Variants in LHFPL3 observed in about 807,000 individuals in gnomAD.
LHFPL3 encodes the protein LHFPL tetraspan subfamily member 3 protein.
Under a neutral mutation model 19.3 loss-of-function variants are expected in LHFPL3, and 5 were observed. The observed-to-expected ratio is 0.26, with a 90% CI of 0.14 to 0.54. The LOEUF (loss-of-function observed/expected upper bound fraction) is 0.54. LHFPL3 is among the 20% of genes least tolerant of loss of function. The pLI, the probability that LHFPL3 is intolerant of heterozygous loss-of-function variation, is 0.94. For synonymous variants in LHFPL3, 133 were observed against 126.2 expected (o/e 1.05, Z -0.36); for missense variants, 249 against 307.4 (o/e 0.81, Z 1.42).
At chr7:104,675,511 A>G (rs996139484) in intron 1 of LHFPL3, among the ~76,000 whole-genome samples, 1 of 152,204 alleles carries the variant, frequency 6.6e-6, no homozygotes, top group African/African-American at 2.4e-5. Context: ...AAGGATCATC[A>G]TTCTGCTTGC....
intron 2 of LHFPL3, among the ~76,000 whole-genome samples, chr7:104,825,158 TAGG>T (rs1260351132): frequency 1.3e-5 from 2 of 151,202 alleles, no homozygotes; most frequent in African/African-American, 2.4e-5. Context: ...TAAATAAAGA[TAGG>T]AGGACCATAG....
intron 1 of LHFPL3, among the ~76,000 whole-genome samples, chr7:104,542,645 G>C (rs374094325): frequency 6.6e-6 from 1 of 152,146 alleles, no homozygotes; most frequent in African/African-American, 2.4e-5. Context: ...TCTCTTCTCA[G>C]ACACACCCAT....
chr7:104,834,833 A>C (rs1166338326), intron 2 of LHFPL3, among the ~76,000 whole-genome samples: 1 of 152,004 alleles, frequency 6.6e-6, no homozygotes, highest in African/African-American at 2.4e-5. Context: ...AGCACTGAGA[A>C]GTTTGTTCAT....
intron 1 of LHFPL3, among the ~76,000 whole-genome samples, chr7:104,701,130 G>A (rs1218986734): frequency 6.6e-6 from 1 of 151,974 alleles, no homozygotes; most frequent in African/African-American, 2.4e-5. Flanking sequence ...TATAAAATTC[G>A]GGAATGAAAA....
intron 1 of LHFPL3, among the ~76,000 whole-genome samples, chr7:104,545,116 G>T (rs1794556076): frequency 6.6e-6 from 1 of 152,142 alleles, no homozygotes; most frequent in Non-Finnish European, 1.5e-5. Flanking sequence ...TATTTGGTTT[G>T]ATTAGGGCCA....
chr7:104,847,273 C>CT (rs888415952), intron 2 of LHFPL3, among the ~76,000 whole-genome samples: 3 of 152,220 alleles, frequency 2.0e-5, no homozygotes, highest in Non-Finnish European at 4.4e-5. Context: ...ACATTCTCTC[C>CT]TTTTCAGTGT....
rs540068888 is a variant in LHFPL3, at chr7:104,626,720, G to A, written c.446-109955G>A. Among the ~76,000 whole-genome samples, 7 of 152,322 alleles carry A rather than the reference G, an allele frequency of 4.6e-5. No homozygotes were observed. In the South Asian group the frequency reaches 1.0e-3, roughly 23 times the overall value. On this transcript the variant is annotated intron_variant, in intron 1 of 2. Coordinates refer to ENST00000424859, the MANE Select transcript of LHFPL3 (RefSeq NM_199000.3). ...AGGAGGAAGTAGAAGATGTTGTAATGTTGGACAGATTTAGGGTGAGCAGGC... is the reference window on the plus strand; with the variant it reads ...AGGAGGAAGTAGAAGATGTTGTAATATTGGACAGATTTAGGGTGAGCAGGC...
intron 2 of LHFPL3, among the ~76,000 whole-genome samples, chr7:104,779,021 G>T (rs559832247): frequency 6.6e-6 from 1 of 152,228 alleles, no homozygotes; most frequent in South Asian, 2.1e-4. Flanking sequence ...TTTTCTCCCT[G>T]GACATAAGCT....
intron 1 of LHFPL3, among the ~76,000 whole-genome samples, chr7:104,720,254 G>C (rs1010152988): frequency 6.6e-6 from 1 of 152,144 alleles, no homozygotes; most frequent in African/African-American, 2.4e-5. Flanking sequence ...ACAACCATCT[G>C]ATCTTTGACA....
At chr7:104,358,317 A>G (rs1275983293) in intron 1 of LHFPL3, among the ~76,000 whole-genome samples, 1 of 152,222 alleles carries the variant, frequency 6.6e-6, no homozygotes, top group Non-Finnish European at 1.5e-5. Context: ...TGCCAAGTGT[A>G]TTATTACTGT....
chr7:104,566,358 C>A (rs1224584796), intron 1 of LHFPL3, among the ~76,000 whole-genome samples: 1 of 152,124 alleles, frequency 6.6e-6, no homozygotes, highest in South Asian at 2.1e-4. Flanking sequence ...CTCTCAAAAA[C>A]AAAAACTCAC....
At chr7:104,606,463 G>A (rs1183273840) in intron 1 of LHFPL3, among the ~76,000 whole-genome samples, 2 of 152,186 alleles carry the variant, frequency 1.3e-5, no homozygotes, top group African/African-American at 4.8e-5. Flanking sequence ...TCTTTTGTGA[G>A]GTTGGCAAAT....
At chr7:104,551,054 G>A (rs940361998) in intron 1 of LHFPL3, among the ~76,000 whole-genome samples, 9 of 152,034 alleles carry the variant, frequency 5.9e-5, no homozygotes, top group East Asian at 3.9e-4. Context: ...GACACAATGC[G>A]CTAATCAGAA....
At chr7:104,461,714 T>C (rs1382230007) in intron 1 of LHFPL3, among the ~76,000 whole-genome samples, 1 of 151,998 alleles carries the variant, frequency 6.6e-6, no homozygotes, top group Non-Finnish European at 1.5e-5. Context: ...TGCTTCCATC[T>C]TTGTTCTTGG....
At chr7:104,831,249 A>T (rs1403480427) in intron 2 of LHFPL3, among the ~76,000 whole-genome samples, 1 of 151,926 alleles carries the variant, frequency 6.6e-6, no homozygotes, top group Non-Finnish European at 1.5e-5. Context: ...TATATGCATA[A>T]TATGATACTG....
intron 1 of LHFPL3, among the ~76,000 whole-genome samples, chr7:104,583,095 G>A (rs10156210): frequency 0.96 from 146,226 of 152,096 alleles, 70,534 homozygotes; most frequent in East Asian, 1. Flanking sequence ...CCAGCATGGT[G>A]CTAGTACCAA....
intron 1 of LHFPL3, among the ~76,000 whole-genome samples, chr7:104,631,983 C>T (rs1791650649): frequency 6.6e-6 from 1 of 152,100 alleles, no homozygotes; most frequent in Non-Finnish European, 1.5e-5. Context: ...TGGGAAAAAT[C>T]AGGGACTGCT....
chr7:104,335,340 G>A (rs1289279018), intron 1 of LHFPL3, among the ~76,000 whole-genome samples: 1 of 152,120 alleles, frequency 6.6e-6, no homozygotes, highest in East Asian at 1.9e-4. Flanking sequence ...CAGCCAGTGA[G>A]GGCAGTTTTT....
chr7:104,817,901 T>C (rs1203452435), intron 2 of LHFPL3, among the ~76,000 whole-genome samples: 1 of 152,256 alleles, frequency 6.6e-6, no homozygotes, highest in African/African-American at 2.4e-5. Context: ...CCAGGACTTC[T>C]GTTGGCTATT....
Sources: gnomAD v4.1 joint callset for allele counts (sites outside exome capture counted in the v4.1 genomes callset) on GRCh38, gnomAD v4.1.1 for gene constraint, MANE v1.5 for transcripts, NCBI Gene and HGNC (gene_info 2026-07-23, HGNC 2026-07-21) for gene names.